GRIN2B: variants seen among roughly 807,000 people sequenced by gnomAD.
GRIN2B encodes the protein glutamate receptor ionotropic, NMDA 2B.
In GRIN2B, 5 loss-of-function variants were observed where a neutral mutation model predicts 114.5. That is an observed-to-expected ratio of 0.04 (90% CI 0.02 to 0.09). The LOEUF (loss-of-function observed/expected upper bound fraction) is 0.09, where lower values mean the gene tolerates loss of function less well. Among genes scored for constraint, GRIN2B ranks in the 10% least tolerant of loss-of-function variants. GRIN2B has a pLI of 1.00. For synonymous variants in GRIN2B, 787 were observed against 745.1 expected, an observed-to-expected ratio of 1.06 and a Z score of -0.92; for missense variants, 1,108 against 1,943.5, an observed-to-expected ratio of 0.57 and a Z score of 8.08.
In GRIN2B at chr12:13,753,658, A is replaced by C. The variant is rs1394118878; in HGVS notation, c.669T>G (p.Leu223=). The C allele has an allele frequency of 1.2e-6, 2 of 1,614,148 alleles. No individual in the cohort carries two copies. The change falls in exon 4 of 14, where the codon CTT becomes CTG. Residue 223 remains leucine (L), a synonymous_variant. Coordinates refer to ENST00000609686, the MANE Select transcript of GRIN2B (RefSeq NM_000834.5). The surrounding 1 kb of genome is among the most constrained non-coding windows in gnomAD (Gnocchi z 6.2). ...AGTAAAGAAGAATGATGGGGCTTTGAAGTTTCTTGAGCTGATTCTGGATCT... is the reference window on the plus strand; with the variant it reads ...AGTAAAGAAGAATGATGGGGCTTTGCAGTTTCTTGAGCTGATTCTGGATCT... ...DSKIQNQLKK[L]QSPIILLYCT...
chr12:13,855,049 G>GGAAAAAA (rs57722937), intron 3 of GRIN2B, among the ~76,000 whole-genome samples: 2 of 88,028 alleles, frequency 2.3e-5, no homozygotes, highest in African/African-American at 4.8e-5. Flanking sequence ...CATCTCTACT[G>GGAAAAAA]AAAAAAAAAA....
At chr12:13,926,814 A>T (rs1866921885) in intron 2 of GRIN2B, among the ~76,000 whole-genome samples, 1 of 152,062 alleles carries the variant, frequency 6.6e-6, no homozygotes. Flanking sequence ...TTAGCCGGGT[A>T]TGGTGGCAGG....
intron 5 of GRIN2B, among the ~76,000 whole-genome samples, chr12:13,658,897 G>T (rs1949893708): frequency 1.3e-5 from 2 of 150,714 alleles, no homozygotes; most frequent in African/African-American, 4.9e-5. Context: ...GGCTGTCCTG[G>T]CTCTACCAAC....
chr12:13,592,126 T>C (rs1949016232), intron 10 of GRIN2B, among the ~76,000 whole-genome samples: 1 of 152,114 alleles, frequency 6.6e-6, no homozygotes, highest in Non-Finnish European at 1.5e-5. Context: ...ATGATTCTAG[T>C]GGAGGGTGAC....
At chr12:13,679,699 G>A (rs1019089240) in intron 4 of GRIN2B, among the ~76,000 whole-genome samples, 1 of 152,074 alleles carries the variant, frequency 6.6e-6, no homozygotes, top group Non-Finnish European at 1.5e-5. Context: ...CATTACTGAG[G>A]AGCATGCAAA....
intron 2 of GRIN2B, among the ~76,000 whole-genome samples, chr12:13,972,627 G>C (rs1187378176): frequency 1.3e-5 from 2 of 152,320 alleles, no homozygotes; most frequent in Admixed American, 6.5e-5. Flanking sequence ...CACGGGAAAG[G>C]AAAGTACTGA....
intron 10 of GRIN2B, among the ~76,000 whole-genome samples, chr12:13,599,431 A>G (rs184059416): frequency 5.3e-4 from 81 of 152,324 alleles, no homozygotes; most frequent in Admixed American, 9.8e-4. Flanking sequence ...TAATTCTGAC[A>G]TCTTTAAAAC....
intron 3 of GRIN2B, among the ~76,000 whole-genome samples, chr12:13,856,032 C>T (rs1865655081): frequency 6.6e-6 from 1 of 152,180 alleles, no homozygotes. Context: ...ACAATAAAAG[C>T]ACGAAGAGGG....
chr12:13,710,292 G>A (rs905414308), intron 4 of GRIN2B, among the ~76,000 whole-genome samples: 9 of 152,166 alleles, frequency 5.9e-5, no homozygotes, highest in Admixed American at 5.9e-4. Flanking sequence ...GGCAAAAACT[G>A]GAAGCATTCC....
intron 4 of GRIN2B, among the ~76,000 whole-genome samples, chr12:13,701,513 CAAAA>C (rs10536664): frequency 1.5e-4 from 19 of 130,772 alleles, no homozygotes; most frequent in Non-Finnish European, 1.3e-4. Context: ...TTCAGTGGCA[CAAAA>C]AAAAAAAAAA....
intron 5 of GRIN2B, among the ~76,000 whole-genome samples, chr12:13,621,629 T>G (rs1352828367): frequency 1.0e-4 from 15 of 147,230 alleles, no homozygotes; most frequent in Non-Finnish European, 1.8e-4. Flanking sequence ...TTTTTTTTTT[T>G]TTTTTTTTTT....
chr12:13,836,364 G>A (rs912403160), intron 3 of GRIN2B, among the ~76,000 whole-genome samples: 2 of 152,156 alleles, frequency 1.3e-5, no homozygotes, highest in Non-Finnish European at 2.9e-5. Context: ...TCTGGCCTAA[G>A]GGGGAAGAAA....
chr12:13,707,529 T>G (rs1950371555), intron 4 of GRIN2B, among the ~76,000 whole-genome samples: 1 of 152,118 alleles, frequency 6.6e-6, no homozygotes, highest in Admixed American at 6.6e-5. Context: ...CTTGGGGTCT[T>G]TGGAATGTTG....
chr12:13,938,101 G>A (rs1397952858), intron 2 of GRIN2B, among the ~76,000 whole-genome samples: 1 of 151,976 alleles, frequency 6.6e-6, no homozygotes, highest in Non-Finnish European at 1.5e-5. Context: ...AAATAAAATA[G>A]AAAATATGAA....
intron 3 of GRIN2B, among the ~76,000 whole-genome samples, chr12:13,755,044 T>C (rs3026185): frequency 0.026 from 3,997 of 152,278 alleles, 178 homozygotes; most frequent in African/African-American, 0.092. Context: ...TGTCTTTTCT[T>C]GCTCTGTGCC....
chr12:13,776,876 T>C (rs1487365094), intron 3 of GRIN2B, among the ~76,000 whole-genome samples: 3 of 152,166 alleles, frequency 2.0e-5, no homozygotes, highest in African/African-American at 7.2e-5. Context: ...ACATTTATTA[T>C]TTTATAGCCT....
chr12:13,552,701 C>A lies in GRIN2B; in HGVS notation c.*10082G>T, dbSNP rs1800749656. 1 of 151,980 alleles carries A rather than the reference C, an allele frequency of 6.6e-6. No individual in the cohort carries two copies. The highest frequency in any genetic ancestry group is 2.4e-5 in the African/African-American group (1 of 41,378). 9.4% of individuals were successfully genotyped at this position (151,980 alleles called of 1,614,324 possible). On this transcript the variant is annotated 3_prime_UTR_variant, in exon 14 of 14. Coordinates refer to ENST00000609686, the MANE Select transcript of GRIN2B (RefSeq NM_000834.5). ...ATAGTATAATGAAATGGGTTTTGCTCTAAAATATTAACTATTCTCATTTTC... is the reference window on the plus strand; with the variant it reads ...ATAGTATAATGAAATGGGTTTTGCTATAAAATATTAACTATTCTCATTTTC...
At chr12:13,665,257 T>C (rs1949963578) in intron 5 of GRIN2B, among the ~76,000 whole-genome samples, 1 of 151,970 alleles carries the variant, frequency 6.6e-6, no homozygotes, top group Admixed American at 6.6e-5. Flanking sequence ...TTTCTTTCCC[T>C]CTCTCCTTTC....
At chr12:13,732,975 G>A (rs919764645) in intron 4 of GRIN2B, among the ~76,000 whole-genome samples, 1 of 152,128 alleles carries the variant, frequency 6.6e-6, no homozygotes, top group Non-Finnish European at 1.5e-5. Flanking sequence ...CCCTGCCAAC[G>A]TGGAGCTAAC....
Sources: allele counts gnomAD v4.1 joint callset (sites outside exome capture counted in the v4.1 genomes callset), GRCh38; gene constraint gnomAD v4.1.1; non-coding constraint Gnocchi (gnomAD v3.1); transcripts MANE v1.5; gene names NCBI Gene and HGNC (gene_info 2026-07-23, HGNC 2026-07-21).